Variants in RPH3AL observed in about 807,000 individuals in gnomAD.
RPH3AL encodes the protein rab effector Noc2.
In RPH3AL, 38 loss-of-function variants were observed where a neutral mutation model predicts 43.1. The observed-to-expected ratio is 0.88, with a 90% CI of 0.68 to 1.15. The LOEUF is 1.15. Ranked by LOEUF, RPH3AL falls within the 50% of genes most tolerant of loss-of-function variation. RPH3AL has a pLI of 0.00. For synonymous variants in RPH3AL, 189 were observed against 176.3 expected (o/e 1.07, Z -0.57); for missense variants, 462 against 423.2 (o/e 1.09, Z -0.81).
intron 5 of RPH3AL, among the ~76,000 whole-genome samples, chr17:298,697 G>A (rs894448431): frequency 5.4e-4 from 38 of 70,722 alleles, no homozygotes; most frequent in Admixed American, 1.6e-3. Context: ...AAAGGGAGAT[G>A]TTATCTCAAA....
chr17:308,574 C>T (rs1263530601), intron 5 of RPH3AL, among the ~76,000 whole-genome samples: 1 of 152,206 alleles, frequency 6.6e-6, no homozygotes, highest in Non-Finnish European at 1.5e-5. Flanking sequence ...TGAGTGGATA[C>T]ACAAAGTGGG....
intron 3 of RPH3AL, among the ~76,000 whole-genome samples, chr17:324,623 CCT>C (rs1410447136): frequency 2.6e-5 from 4 of 152,192 alleles, no homozygotes; most frequent in Admixed American, 2.6e-4. Context: ...ACCTGGGGCC[CCT>C]GTCTCTCTCC....
intron 7 of RPH3AL, among the ~76,000 whole-genome samples, chr17:227,879 A>C (rs2041141474): frequency 6.6e-6 from 1 of 151,608 alleles, no homozygotes; most frequent in Non-Finnish European, 1.5e-5. Flanking sequence ...ACTAAAAACA[A>C]AAAAAAAATT....
chr17:224,610 C>A (rs959313036), intron 7 of RPH3AL, among the ~76,000 whole-genome samples: 1 of 152,194 alleles, frequency 6.6e-6, no homozygotes, highest in Non-Finnish European at 1.5e-5. Flanking sequence ...ATTGCACATG[C>A]AAATGAGGCT....
chr17:295,950 A>C (rs1377678298), intron 5 of RPH3AL, among the ~76,000 whole-genome samples: 1 of 111,754 alleles, frequency 8.9e-6, no homozygotes, highest in Admixed American at 8.2e-5. Context: ...ATGCTGCAGA[A>C]ATGGAAAGCA....
chr17:271,811 T>C (rs1008963276), intron 6 of RPH3AL, among the ~76,000 whole-genome samples: 1 of 152,194 alleles, frequency 6.6e-6, no homozygotes, highest in African/African-American at 2.4e-5. Context: ...GTATGTTGAA[T>C]AGGAGTGGCG....
chr17:320,504 G>A (rs979067666), intron 4 of RPH3AL, among the ~76,000 whole-genome samples: 12 of 152,194 alleles, frequency 7.9e-5, no homozygotes, highest in Middle Eastern at 3.4e-3. Context: ...AGCTGGGTGT[G>A]GTGGTGCCCA....
intron 6 of RPH3AL, among the ~76,000 whole-genome samples, chr17:262,549 G>A (rs1555546674): frequency 2.6e-5 from 4 of 151,956 alleles, no homozygotes; most frequent in Non-Finnish European, 1.5e-5. Context: ...TCCCAGCCAG[G>A]TGCAGCGGCT....
Position 213,666 on chromosome 17 carries a change from C to G in RPH3AL, c.*186G>C, listed in dbSNP as rs2040723252. 1.6e-6 allele frequency: 1 copy of G among 615,836 alleles called. No individual in the cohort carries two copies. Among genetic ancestry groups the G allele is most frequent in the Non-Finnish European group, 2.9e-6 (1 of 342,718 alleles). 38.1% of individuals were successfully genotyped at this position (615,836 alleles called of 1,614,324 possible). ...GGTTGGAGGGGGTGGCGGATGCAGACAGCTCCCCAGGAGAGAAGGGGTGCA... is the reference window on the plus strand; with the variant it reads ...GGTTGGAGGGGGTGGCGGATGCAGAGAGCTCCCCAGGAGAGAAGGGGTGCA... On this transcript the variant is annotated 3_prime_UTR_variant, in exon 10 of 10. Transcript: ENST00000331302.
At chr17:315,010 G>C (rs1256000902) in intron 5 of RPH3AL, among the ~76,000 whole-genome samples, 6 of 146,332 alleles carry the variant, frequency 4.1e-5, no homozygotes, top group South Asian at 4.3e-4. Flanking sequence ...TGTAGTCTCT[G>C]TGCTCCACCT....
At chr17:273,899 T>G (rs1273752374) in intron 6 of RPH3AL, among the ~76,000 whole-genome samples, 2 of 152,122 alleles carry the variant, frequency 1.3e-5, no homozygotes, top group Admixed American at 1.3e-4. Flanking sequence ...TAAAAATTGG[T>G]CTTCTTCACC....
intron 6 of RPH3AL, among the ~76,000 whole-genome samples, chr17:277,640 G>A (rs141557375): frequency 1.1e-4 from 16 of 152,238 alleles, no homozygotes; most frequent in African/African-American, 2.9e-4. Context: ...CTCCAAGGGC[G>A]CCTCATTTTA....
intron 1 of RPH3AL, among the ~76,000 whole-genome samples, chr17:338,291 G>A (rs574047233): frequency 2.0e-5 from 3 of 152,004 alleles, no homozygotes; most frequent in African/African-American, 4.8e-5. Flanking sequence ...GCAAGACCCT[G>A]TCTCTACAAA....
intron 5 of RPH3AL, among the ~76,000 whole-genome samples, chr17:314,665 A>G: frequency 7.8e-6 from 1 of 128,386 alleles, no homozygotes; most frequent in Non-Finnish European, 1.6e-5. Context: ...ACCTCCATTG[A>G]CCTGTAGTCT....
intron 7 of RPH3AL, among the ~76,000 whole-genome samples, chr17:241,055 CAAT>C (rs57086885): frequency 0.09 from 12,829 of 143,090 alleles, 651 homozygotes; most frequent in Admixed American, 0.16. Flanking sequence ...GACTCCATCT[CAAT>C]AATAATAATA....
intron 5 of RPH3AL, among the ~76,000 whole-genome samples, chr17:308,007 G>A (rs926453609): frequency 3.9e-5 from 6 of 152,242 alleles, no homozygotes; most frequent in South Asian, 2.1e-4. Flanking sequence ...CAAGAGAGCC[G>A]AAGCAGGCCC....
chr17:343,156 A>G (rs953102300), intron 1 of RPH3AL, among the ~76,000 whole-genome samples: 1 of 152,176 alleles, frequency 6.6e-6, no homozygotes, highest in Non-Finnish European at 1.5e-5. Flanking sequence ...AAACACATCC[A>G]TGCCTGTTCC....
intron 6 of RPH3AL, among the ~76,000 whole-genome samples, chr17:248,324 C>T (rs1172903383): frequency 3.9e-5 from 6 of 152,204 alleles, no homozygotes; most frequent in Non-Finnish European, 8.8e-5. Flanking sequence ...ATGGCACAGC[C>T]ACTGGCTTTC....
intron 5 of RPH3AL, among the ~76,000 whole-genome samples, chr17:317,635 G>T (rs1407871757): frequency 6.6e-6 from 1 of 152,142 alleles, no homozygotes; most frequent in Non-Finnish European, 1.5e-5. Flanking sequence ...CTCCCCTCCA[G>T]TATTTTTGGG....
Sources: allele counts gnomAD v4.1 joint callset (sites outside exome capture counted in the v4.1 genomes callset), GRCh38; gene constraint gnomAD v4.1.1; transcripts MANE v1.5; gene names NCBI Gene and HGNC (gene_info 2026-07-23, HGNC 2026-07-21).